ABI1: variants seen among roughly 807,000 people sequenced by gnomAD.
ABI1 encodes the protein abl interactor 1, also known as Abelson interactor 1.
ABI1 carries 14 observed loss-of-function variants against 54.6 expected under a neutral mutation model. The observed-to-expected ratio is 0.26, with a 90% CI of 0.17 to 0.40. The LOEUF (loss-of-function observed/expected upper bound fraction) is 0.40. Ranked by LOEUF, ABI1 falls within the 10% of genes least tolerant of loss-of-function variation. The pLI is 1.00. For missense variants in ABI1, 443 were observed against 598.3 expected, an observed-to-expected ratio of 0.74 and a Z score of 2.71; for synonymous variants, 194 against 209.3, an observed-to-expected ratio of 0.93 and a Z score of 0.63.
intron 1 of ABI1, chr10:26,839,723 G>C: frequency 1.4e-6 from 1 of 700,564 alleles, no homozygotes; most frequent in African/African-American, 1.8e-5. Context: ...GGTCAAGGTA[G>C]GAGGATTACC....
intron 2 of ABI1, among the ~76,000 whole-genome samples, chr10:26,818,362 T>C (rs972171116): frequency 2.6e-5 from 4 of 151,644 alleles, no homozygotes; most frequent in African/African-American, 7.3e-5. Flanking sequence ...CTCATGTCTG[T>C]AATCCCAGCA....
chr10:26,771,327 A>T (rs1039899752), intron 3 of ABI1, among the ~76,000 whole-genome samples: 4 of 152,198 alleles, frequency 2.6e-5, no homozygotes, highest in African/African-American at 9.7e-5. Context: ...TAATTATTCC[A>T]ATCTCATGCA....
intron 1 of ABI1, among the ~76,000 whole-genome samples, chr10:26,825,398 C>T (rs1588993997): frequency 6.6e-6 from 1 of 152,052 alleles, no homozygotes; most frequent in Non-Finnish European, 1.5e-5. Flanking sequence ...CCATGGCTCA[C>T]GCCTGTAATC....
At chr10:26,800,020 A>T (rs1477774374) in intron 2 of ABI1, among the ~76,000 whole-genome samples, 5 of 151,972 alleles carry the variant, frequency 3.3e-5, no homozygotes, top group Non-Finnish European at 7.4e-5. Context: ...AAAAAAAAAA[A>T]AAAAATTAAG....
chr10:26,809,809 C>G (rs1307290487), intron 2 of ABI1, among the ~76,000 whole-genome samples: 2 of 152,110 alleles, frequency 1.3e-5, no homozygotes, highest in African/African-American at 4.8e-5. Flanking sequence ...CCTGGTGGAG[C>G]TCCCTGGATG....
intron 7 of ABI1, among the ~76,000 whole-genome samples, chr10:26,761,283 C>T (rs369118051): frequency 4.6e-5 from 7 of 151,708 alleles, no homozygotes; most frequent in South Asian, 2.1e-4. Flanking sequence ...TACATTTCTC[C>T]GGCTTGTATA....
At position 26,754,982 on chromosome 10, in the gene ABI1, G is replaced by A. The variant is rs534112394; in HGVS notation, c.1084+673C>T. Among the ~76,000 whole-genome samples, 13 of 152,222 alleles carry A rather than the reference G, an allele frequency of 8.5e-5. No homozygotes were observed. In the East Asian group the frequency reaches 2.5e-3, roughly 29 times the overall value. On this transcript the variant is annotated intron_variant, in intron 9 of 10. Transcript: ENST00000376140. ...AAAAATCCCTGAACTTCATTCGAGAGAAGATCTAAAAAAGTTAACTGATTT... is the reference window on the plus strand; with the variant it reads ...AAAAATCCCTGAACTTCATTCGAGAAAAGATCTAAAAAAGTTAACTGATTT...
chr10:26,800,733 A>G (rs192495835), intron 2 of ABI1, among the ~76,000 whole-genome samples: 389 of 152,278 alleles, frequency 2.6e-3, no homozygotes, highest in African/African-American at 8.6e-3. Flanking sequence ...CTTGCCTCAA[A>G]AAGAAAAAAT....
chr10:26,831,951 G>A (rs549006172), intron 1 of ABI1, among the ~76,000 whole-genome samples: 1 of 152,276 alleles, frequency 6.6e-6, no homozygotes, highest in African/African-American at 2.4e-5. Context: ...CGCTGATGAA[G>A]CTAATTTATT....
intron 2 of ABI1, 102 bp from the exon 3 acceptor site, chr10:26,777,343 A>G (rs1225781562): frequency 2.6e-6 from 2 of 769,038 alleles, no homozygotes; most frequent in Non-Finnish European, 4.0e-6. Context: ...AGGGCTGTAC[A>G]CCATATGTCT....
intron 7 of ABI1, among the ~76,000 whole-genome samples, chr10:26,760,900 A>G (rs1224217328): frequency 3.3e-5 from 5 of 150,772 alleles, no homozygotes; most frequent in East Asian, 1.9e-4. Context: ...AAAAAAAAAA[A>G]AAAAAAAAAA....
chr10:26,845,159 A>C (rs80174585), intron 1 of ABI1, among the ~76,000 whole-genome samples: 1 of 151,236 alleles, frequency 6.6e-6, no homozygotes, highest in Admixed American at 6.6e-5. Context: ...AAAAAAAAAA[A>C]GCTGCTTGAC....
At chr10:26,756,861 A>G (rs1469245619) in intron 8 of ABI1, among the ~76,000 whole-genome samples, 1 of 152,142 alleles carries the variant, frequency 6.6e-6, no homozygotes, top group African/African-American at 2.4e-5. Flanking sequence ...TTCTGTTGGT[A>G]AGCATAAAAA....
At chr10:26,781,726 C>T (rs1184072084) in intron 2 of ABI1, among the ~76,000 whole-genome samples, 1 of 152,150 alleles carries the variant, frequency 6.6e-6, no homozygotes, top group Non-Finnish European at 1.5e-5. Flanking sequence ...TTAAGACTGT[C>T]CAAAAACCAT....
chr10:26,755,084 A>G (rs1838134382), intron 9 of ABI1, among the ~76,000 whole-genome samples: 1 of 152,172 alleles, frequency 6.6e-6, no homozygotes, highest in South Asian at 2.1e-4. Flanking sequence ...TATCACTCAC[A>G]CTGAAATGGA....
intron 8 of ABI1, 124 bp from the exon 9 acceptor site, chr10:26,755,865 G>T: frequency 5.0e-6 from 3 of 596,396 alleles, no homozygotes; most frequent in South Asian, 3.3e-5. Flanking sequence ...GTTTGCAAAT[G>T]AAACAAAACA....
At chr10:26,802,152 G>C (rs1314138214) in intron 2 of ABI1, among the ~76,000 whole-genome samples, 1 of 152,166 alleles carries the variant, frequency 6.6e-6, no homozygotes, top group Non-Finnish European at 1.5e-5. Context: ...GAGAACATTT[G>C]TTATCCCTGG....
intron 2 of ABI1, among the ~76,000 whole-genome samples, chr10:26,781,611 C>T (rs1055719061): frequency 6.6e-6 from 1 of 152,166 alleles, no homozygotes; most frequent in Non-Finnish European, 1.5e-5. Context: ...ACAGATCTGG[C>T]CAATATTCCC....
intron 2 of ABI1, among the ~76,000 whole-genome samples, chr10:26,783,503 T>C (rs1047963749): frequency 2.6e-5 from 4 of 152,226 alleles, no homozygotes; most frequent in African/African-American, 9.6e-5. Flanking sequence ...TTTCTGAGTA[T>C]ACCTCTGTCA....
Sources: allele counts gnomAD v4.1 joint callset (sites outside exome capture counted in the v4.1 genomes callset), GRCh38; gene constraint gnomAD v4.1.1; transcripts MANE v1.5; gene names NCBI Gene and HGNC (gene_info 2026-07-23, HGNC 2026-07-21).